Variants in CNTNAP5 observed in about 807,000 individuals in gnomAD.
The protein encoded by CNTNAP5 is contactin associated protein family member 5, also known as contactin-associated protein-like 5.
CNTNAP5 carries 72 observed loss-of-function variants against 150.2 expected under a neutral mutation model. That is an observed-to-expected ratio of 0.48 (90% CI 0.40 to 0.58). The LOEUF is 0.58. CNTNAP5 is among the 20% of genes least tolerant of loss of function. The pLI, the probability that CNTNAP5 is intolerant of heterozygous loss-of-function variation, is 0.00. For synonymous variants in CNTNAP5, 672 were observed against 619.8 expected, an observed-to-expected ratio of 1.08 and a Z score of -1.25; for missense variants, 1,636 against 1,626.2, an observed-to-expected ratio of 1.01 and a Z score of -0.10.
intron 11 of CNTNAP5, among the ~76,000 whole-genome samples, chr2:124,588,453 C>T (rs1259496101): frequency 6.6e-6 from 1 of 151,826 alleles, no homozygotes; most frequent in Non-Finnish European, 1.5e-5. Context: ...GGAACATACT[C>T]AGGGAACCAA....
At chr2:124,645,700 G>A (rs76350315) in intron 12 of CNTNAP5, among the ~76,000 whole-genome samples, 14,119 of 152,198 alleles carry the variant, frequency 0.093, 922 homozygotes, top group African/African-American at 0.19. Context: ...TGTGTATTAG[G>A]CCATTTTTGC....
chr2:124,379,893 C>T (rs1690745116), intron 3 of CNTNAP5, among the ~76,000 whole-genome samples: 1 of 152,106 alleles, frequency 6.6e-6, no homozygotes, highest in African/African-American at 2.4e-5. Context: ...AAGAGGGTTA[C>T]AAGTTAGACC....
rs767337009 is a variant in CNTNAP5, at chr2:124,057,221, T to C, written c.82+31489T>C. Among the ~76,000 whole-genome samples, 45 of 151,828 alleles carry C rather than the reference T, an allele frequency of 3.0e-4. 1 individual carries two copies. Among genetic ancestry groups the C allele is most frequent in the Non-Finnish European group, 5.9e-5 (4 of 67,988 alleles). On this transcript the variant is annotated intron_variant, in intron 1 of 23. Transcript: ENST00000682447. ...TAACACCACCATTTTCTGGTAGTTA[T>C]ACCTTTATACCTGACTCTTTCTTTC...
Position 124,447,621 on chromosome 2 carries a change from C to A in CNTNAP5, c.918+684C>A, listed in dbSNP as rs574717454. ...GAAACTGAGATAAGCTCTTGCAGAA[C>A]AAGGAGGTTAAAGCTACAGTGGATG... On this transcript the variant is annotated intron_variant, in intron 6 of 23. Transcript: ENST00000682447. 1.4e-3 allele frequency among the ~76,000 whole-genome samples: 218 copies of A among 152,204 alleles called. 2 individuals carry two copies. The highest frequency in any genetic ancestry group is 4.9e-3 in the African/African-American group (204 of 41,530).
At chr2:124,118,621 C>A (rs910222360) in intron 1 of CNTNAP5, among the ~76,000 whole-genome samples, 8 of 152,122 alleles carry the variant, frequency 5.3e-5, no homozygotes, top group Non-Finnish European at 5.9e-5. Context: ...AGAAATAGTT[C>A]TTTGATAGCA....
intron 12 of CNTNAP5, among the ~76,000 whole-genome samples, chr2:124,624,435 T>C (rs1304739754): frequency 6.6e-6 from 1 of 152,248 alleles, no homozygotes; most frequent in African/African-American, 2.4e-5. Context: ...AATTCCTTTA[T>C]TATCTTCTCA....
chr2:124,107,707 A>C (rs1558758091), intron 1 of CNTNAP5, among the ~76,000 whole-genome samples: 2 of 152,218 alleles, frequency 1.3e-5, no homozygotes, highest in African/African-American at 2.4e-5. Context: ...GTGTGAACCC[A>C]AAATATCTGA....
chr2:124,610,010 A>T, intron 12 of CNTNAP5, 90 bp downstream of exon 12: 2 of 1,430,504 alleles, frequency 1.4e-6, no homozygotes, highest in South Asian at 1.5e-5. Flanking sequence ...TACCTACGTG[A>T]ATAAAAATTT....
chr2:124,027,549 T>G (rs1313321041), intron 1 of CNTNAP5, among the ~76,000 whole-genome samples: 1 of 152,260 alleles, frequency 6.6e-6, no homozygotes, highest in African/African-American at 2.4e-5. Flanking sequence ...ATAGCATTTT[T>G]TGTAAATTAA....
intron 1 of CNTNAP5, among the ~76,000 whole-genome samples, chr2:124,109,188 C>T (rs1322131997): frequency 6.6e-6 from 1 of 152,096 alleles, no homozygotes; most frequent in East Asian, 1.9e-4. Flanking sequence ...TAAATTTGTG[C>T]TTTTTAACTG....
intron 8 of CNTNAP5, among the ~76,000 whole-genome samples, chr2:124,518,630 T>C (rs371150750): frequency 3.9e-5 from 6 of 152,130 alleles, no homozygotes; most frequent in Non-Finnish European, 7.4e-5. Context: ...CAAATGTTCA[T>C]AGCAGCATTA....
chr2:124,600,564 C>T (rs1573488431), intron 11 of CNTNAP5, among the ~76,000 whole-genome samples: 1 of 152,124 alleles, frequency 6.6e-6, no homozygotes, highest in Non-Finnish European at 1.5e-5. Flanking sequence ...TGTAAAATGT[C>T]TGTTGTGGGA....
chr2:124,522,242 C>T (rs1694861700), intron 8 of CNTNAP5, among the ~76,000 whole-genome samples: 1 of 152,222 alleles, frequency 6.6e-6, no homozygotes, highest in South Asian at 2.1e-4. Flanking sequence ...GTTTTCTTCC[C>T]AGCTGGCTGC....
intron 16 of CNTNAP5, among the ~76,000 whole-genome samples, chr2:124,770,392 C>T (rs938780961): frequency 4.6e-5 from 7 of 152,078 alleles, no homozygotes; most frequent in African/African-American, 1.7e-4. Context: ...AGGCTAGTCA[C>T]AGCCAGCGAA....
At chr2:124,702,275 G>T (rs1365186475) in intron 13 of CNTNAP5, among the ~76,000 whole-genome samples, 1 of 139,870 alleles carries the variant, frequency 7.1e-6, no homozygotes, top group African/African-American at 2.6e-5. Context: ...TTTACATTAA[G>T]CATAAGTACT....
chr2:124,346,728 G>A (rs1230003052), intron 3 of CNTNAP5, among the ~76,000 whole-genome samples: 2 of 151,832 alleles, frequency 1.3e-5, no homozygotes, highest in Non-Finnish European at 2.9e-5. Flanking sequence ...TTTGATTACC[G>A]ATTTTACTAC....
intron 6 of CNTNAP5, among the ~76,000 whole-genome samples, chr2:124,450,472 C>T (rs1692939891): frequency 6.9e-6 from 1 of 145,792 alleles, no homozygotes; most frequent in South Asian, 2.2e-4. Flanking sequence ...CTAGCATGAA[C>T]TTTGCTGCAC....
intron 3 of CNTNAP5, among the ~76,000 whole-genome samples, chr2:124,244,655 A>G (rs1686973890): frequency 6.6e-6 from 1 of 152,112 alleles, no homozygotes; most frequent in African/African-American, 2.4e-5. Context: ...GGACCATTAC[A>G]ACTTCCAATT....
chr2:124,191,062 A>AT (rs1685447033), intron 1 of CNTNAP5, among the ~76,000 whole-genome samples: 1 of 152,198 alleles, frequency 6.6e-6, no homozygotes, highest in South Asian at 2.1e-4. Context: ...AGCTGTAAAT[A>AT]TATACCTATG....
Sources: gnomAD v4.1 joint callset for allele counts (sites outside exome capture counted in the v4.1 genomes callset) on GRCh38, gnomAD v4.1.1 for gene constraint, MANE v1.5 for transcripts, NCBI Gene and HGNC (gene_info 2026-07-23, HGNC 2026-07-21) for gene names.